ANGPT1: variants seen among roughly 807,000 people sequenced by gnomAD.
ANGPT1 encodes the protein angiopoietin-1.
Under a neutral mutation model 62.2 loss-of-function variants are expected in ANGPT1, and 17 were observed. The ratio of observed to expected loss-of-function variants is 0.27; its 90% confidence interval spans 0.19 to 0.41. The LOEUF (loss-of-function observed/expected upper bound fraction) is 0.41, where lower values mean the gene tolerates loss of function less well. ANGPT1 is among the 10% of genes least tolerant of loss of function. The pLI is 1.00. For missense variants in ANGPT1, 478 were observed against 594.9 expected (o/e 0.80, Z 2.04); for synonymous variants, 199 against 198.9 (o/e 1.00, Z 0.00).
chr8:107,294,481 T>G (rs998050732), intron 5 of ANGPT1: 2 of 153,008 alleles, frequency 1.3e-5, no homozygotes, highest in African/African-American at 4.8e-5. Flanking sequence ...AATAAAAAAT[T>G]TTTAAAATAT....
At chr8:107,282,221 A>T (rs1362015127) in intron 7 of ANGPT1, among the ~76,000 whole-genome samples, 2 of 151,940 alleles carry the variant, frequency 1.3e-5, no homozygotes, top group Non-Finnish European at 2.9e-5. Flanking sequence ...GTCAACGTGA[A>T]TCGTATACTT....
At chr8:107,482,926 G>A (rs775943655) in intron 1 of ANGPT1, among the ~76,000 whole-genome samples, 7 of 152,044 alleles carry the variant, frequency 4.6e-5, no homozygotes, top group Non-Finnish European at 8.8e-5. Context: ...AGTAATCAGA[G>A]GAGGAACAAA....
chr8:107,387,968 G>C (rs910400158), intron 1 of ANGPT1, among the ~76,000 whole-genome samples: 1 of 152,018 alleles, frequency 6.6e-6, no homozygotes, highest in Middle Eastern at 3.4e-3. Context: ...ATATTTCTGG[G>C]TTTTGGTCGA....
At chr8:107,434,221 T>C (rs1811276945) in intron 1 of ANGPT1, among the ~76,000 whole-genome samples, 1 of 152,106 alleles carries the variant, frequency 6.6e-6, no homozygotes, top group African/African-American at 2.4e-5. Flanking sequence ...GATACAGATG[T>C]GTGATATGCT....
chr8:107,270,676 T>C (rs986612685), intron 7 of ANGPT1, among the ~76,000 whole-genome samples: 6 of 152,036 alleles, frequency 3.9e-5, no homozygotes, highest in African/African-American at 9.7e-5. Flanking sequence ...CTATTGTCCA[T>C]ACATGAACAG....
rs991207801 is a variant in ANGPT1 at position 107,474,689 on chromosome 8, T to C, written c.297+22573A>G. Reference sequence around the variant, plus strand: ...TGATTGGATATCTAGAAAACCCCATTGTCTCAGCCCAAAATCTCCTTAAGC... The same window carrying C: ...TGATTGGATATCTAGAAAACCCCATCGTCTCAGCCCAAAATCTCCTTAAGC... On this transcript the variant is annotated intron_variant, in intron 1 of 8. Coordinates refer to ENST00000517746, the MANE Select transcript of ANGPT1 (RefSeq NM_001146.5). Among the ~76,000 whole-genome samples the C allele has an allele frequency of 4.6e-5, 7 of 152,116 alleles. No homozygotes were observed. In the South Asian group the frequency reaches 8.3e-4, roughly 18 times the overall value.
chr8:107,370,911 T>G (rs1402152798), intron 1 of ANGPT1, among the ~76,000 whole-genome samples: 3 of 151,390 alleles, frequency 2.0e-5, no homozygotes, highest in African/African-American at 7.3e-5. Context: ...CATATGGCAT[T>G]GAAAAAATGG....
chr8:107,362,955 A>T (rs2445351), intron 1 of ANGPT1, among the ~76,000 whole-genome samples: 35,194 of 152,062 alleles, frequency 0.23, 5,068 homozygotes, highest in African/African-American at 0.39. Flanking sequence ...TGCAATCTAC[A>T]TGACTTCTTC....
intron 7 of ANGPT1, among the ~76,000 whole-genome samples, chr8:107,283,682 C>T (rs1313561624): frequency 6.6e-6 from 1 of 152,078 alleles, no homozygotes; most frequent in Non-Finnish European, 1.5e-5. Context: ...TTAATTCATA[C>T]AATCATATTT....
At chr8:107,477,845 T>C (rs551931325) in intron 1 of ANGPT1, among the ~76,000 whole-genome samples, 3 of 152,174 alleles carry the variant, frequency 2.0e-5, no homozygotes, top group Non-Finnish European at 4.4e-5. Context: ...CCGACCCAAT[T>C]TCTTTCTCTG....
At chr8:107,266,205 G>A (rs1456619049) in intron 7 of ANGPT1, among the ~76,000 whole-genome samples, 3 of 152,222 alleles carry the variant, frequency 2.0e-5, no homozygotes, top group Non-Finnish European at 2.9e-5. Context: ...TTCACCAGGA[G>A]AAAGTAAGAT....
rs76237125 is a variant in ANGPT1, at chr8:107,487,939, G to A, written c.297+9323C>T. 8.9e-3 allele frequency among the ~76,000 whole-genome samples: 1,362 copies of A among 152,202 alleles called. 19 individuals carry two copies. Among genetic ancestry groups the A allele is most frequent in the African/African-American group, 0.032 (1,315 of 41,532 alleles). ...CTATTCTTGACAATGAATTCTGCTT[G>A]AAGTGAATAGTATCCTTTACAATAT... On this transcript the variant is annotated intron_variant, in intron 1 of 8. Coordinates refer to ENST00000517746, the MANE Select transcript of ANGPT1 (RefSeq NM_001146.5).
At chr8:107,480,455 A>G (rs1355229257) in intron 1 of ANGPT1, among the ~76,000 whole-genome samples, 1 of 152,212 alleles carries the variant, frequency 6.6e-6, no homozygotes, top group Non-Finnish European at 1.5e-5. Context: ...CAAAAATTTT[A>G]TGGGGACAAT....
At chr8:107,262,287 T>C (rs1460815242) in intron 8 of ANGPT1, among the ~76,000 whole-genome samples, 1 of 152,198 alleles carries the variant, frequency 6.6e-6, no homozygotes, top group Non-Finnish European at 1.5e-5. Flanking sequence ...AATGATTTAT[T>C]TATTTGGTTT....
chr8:107,450,171 T>G (rs151255103), intron 1 of ANGPT1, among the ~76,000 whole-genome samples: 2 of 152,170 alleles, frequency 1.3e-5, no homozygotes, highest in East Asian at 3.9e-4. Flanking sequence ...ATATGGGACA[T>G]ACGGTATTGT....
chr8:107,331,864 G>C (rs1052462452), intron 3 of ANGPT1, among the ~76,000 whole-genome samples: 1 of 152,110 alleles, frequency 6.6e-6, no homozygotes, highest in African/African-American at 2.4e-5. Flanking sequence ...AATCAAGAAA[G>C]CCCGTGTGCT....
intron 4 of ANGPT1, among the ~76,000 whole-genome samples, chr8:107,319,413 T>TTTTTTAAGATC (rs1485943612): frequency 6.6e-6 from 1 of 152,136 alleles, no homozygotes; most frequent in African/African-American, 2.4e-5. Flanking sequence ...ACAGCTCGTG[T>TTTTTTAAGATC]TTTTTAAGAT....
chr8:107,480,432 C>A (rs2130518823), intron 1 of ANGPT1, among the ~76,000 whole-genome samples: 1 of 152,120 alleles, frequency 6.6e-6, no homozygotes, highest in East Asian at 1.9e-4. Flanking sequence ...ATGGTGAAAT[C>A]ATTAATGCTT....
intron 1 of ANGPT1, among the ~76,000 whole-genome samples, chr8:107,349,122 T>TTAGATAGATGATAGATAGATAGATAGA (rs1554584811): frequency 3.1e-4 from 44 of 143,908 alleles, no homozygotes; most frequent in African/African-American, 1.1e-3. Flanking sequence ...GATAAGGAGA[T>TTAGATAGATGATAGATAGATAGATAGA]TAGATAGATA....
Sources: allele counts gnomAD v4.1 joint callset (sites outside exome capture counted in the v4.1 genomes callset), GRCh38; gene constraint gnomAD v4.1.1; transcripts MANE v1.5; gene names NCBI Gene and HGNC (gene_info 2026-07-23, HGNC 2026-07-21).